NR1H3: variants seen among roughly 807,000 people sequenced by gnomAD.
The protein encoded by NR1H3 is nuclear receptor subfamily 1 group H member 3.
NR1H3 carries 19 observed loss-of-function variants against 48.1 expected under a neutral mutation model. The observed-to-expected ratio is 0.40, with a 90% CI of 0.28 to 0.58. The LOEUF (loss-of-function observed/expected upper bound fraction) is 0.58, where lower values mean the gene tolerates loss of function less well. Among genes scored for constraint, NR1H3 ranks in the 20% least tolerant of loss-of-function variants. The pLI, the probability that NR1H3 is intolerant of heterozygous loss-of-function variation, is 0.50. For missense variants in NR1H3, 486 were observed against 595.9 expected (o/e 0.82, Z 1.92); for synonymous variants, 232 against 227.3 (o/e 1.02, Z -0.19).
At chr11:47,250,925 C>T (rs1228152750) in intron 1 of NR1H3, among the ~76,000 whole-genome samples, 1 of 152,170 alleles carries the variant, frequency 6.6e-6, no homozygotes, top group African/African-American at 2.4e-5. Flanking sequence ...TTTGGGAGGC[C>T]GAGGCGGGTG....
intron 1 of NR1H3, among the ~76,000 whole-genome samples, chr11:47,249,937 C>A (rs1022918545): frequency 6.3e-4 from 91 of 144,574 alleles, no homozygotes; most frequent in African/African-American, 2.1e-3. Context: ...ACTAAAAATA[C>A]AAAAAAAAAA....
chr11:47,259,050 G>A, intron 1 of NR1H3, 130 bp from the exon 2 acceptor site: 1 of 1,495,952 alleles, frequency 6.7e-7, no homozygotes. Context: ...CTTAGTACAG[G>A]CTAATATATG....
rs762962632 is a variant in NR1H3, at chr11:47,260,637, G to A, written c.461G>A (p.Arg154Gln). The A allele has an allele frequency of 1.2e-5, 19 of 1,609,324 alleles. No individual in the cohort carries two copies. The highest frequency in any genetic ancestry group is 2.2e-5 in the East Asian group (1 of 44,846). The stretch of plus-strand genomic sequence containing the variant: ...ATGCGTCGCAAGTGCCAGGAGTGTC[G>A]GCTTCGCAAATGCCGTCAGGCTGGC... Reference protein sequence around the residue: ...TYMRRKCQECRLRKCRQAGMR... With the variant: ...TYMRRKCQECQLRKCRQAGMR... Residue 154 changes from arginine to glutamine, a missense_variant, in exon 4 of 10, where the codon CGG (arginine) becomes CAG (glutamine). Transcript: ENST00000441012.
intron 1 of NR1H3, among the ~76,000 whole-genome samples, chr11:47,249,874 C>T (rs1954480851): frequency 6.6e-6 from 1 of 151,922 alleles, no homozygotes; most frequent in African/African-American, 2.4e-5. Flanking sequence ...GGCAGATCAC[C>T]TGAGGTCAGG....
intron 2 of NR1H3, chr11:47,259,554 C>T (rs1037840531): frequency 1.6e-5 from 24 of 1,473,712 alleles, no homozygotes; most frequent in Non-Finnish European, 2.2e-5. Flanking sequence ...AATGCATACA[C>T]TCCAGCCCCC....
rs1258838347 is a variant in NR1H3, at chr11:47,259,967, T to C, written c.220T>C (p.Ser74Pro). The part of the protein sequence containing the change: ...TALLTRAEPP[S>P]EPTEIRPQKR... ...CCTGCTCACCAGGGCAGAGCCCCCT[T>C]CAGAACCCACAGGTGAGGAGCTTCT... is the stretch of plus-strand genomic sequence containing the variant. Residue 74 changes from serine to proline, a missense_variant, in exon 3 of 10, where the codon TCA (serine) becomes CCA (proline). By Grantham distance (74) the Ser-to-Pro change is moderately conservative. Coordinates refer to ENST00000441012, the MANE Select transcript of NR1H3 (RefSeq NM_005693.4). The C allele has an allele frequency of 6.5e-7, 1 of 1,537,378 alleles. No individual in the cohort carries two copies. Among genetic ancestry groups the C allele is most frequent in the East Asian group, 2.3e-5 (1 of 43,788 alleles).
upstream of NR1H3, chr11:47,248,389 TG>T (rs771756838): frequency 5.4e-6 from 8 of 1,488,466 alleles, no homozygotes; most frequent in Admixed American, 2.0e-5. Flanking sequence ...AAGCAACGTA[TG>T]TGGTGGGGAC....
rs779302187 is a variant in NR1H3 at position 47,261,421 on chromosome 11, G to T, written c.680G>T (p.Arg227Leu). ...GCTGCCCAGCAACAGTGTAACCGGC[G>T]CTCCTTTTCTGACCGGCTTCGAGTC... ...LVAAQQQCNRRSFSDRLRVTP... is the reference protein window; with the variant it reads ...LVAAQQQCNRLSFSDRLRVTP... Residue 227 changes from arginine to leucine, a missense_variant, in exon 5 of 10, where the codon CGC (arginine) becomes CTC (leucine). Physicochemically the swap from Arg to Leu is moderately radical, Grantham distance 102 (BLOSUM62 -2). Coordinates refer to ENST00000441012, the MANE Select transcript of NR1H3 (RefSeq NM_005693.4). The T allele has an allele frequency of 6.2e-7, 1 of 1,614,104 alleles. No individual in the cohort carries two copies. Among genetic ancestry groups the T allele is most frequent in the South Asian group, 1.1e-5 (1 of 91,082 alleles).
At chr11:47,256,033 TTATC>T (rs1955140954), upstream of NR1H3, among the ~76,000 whole-genome samples, 1 of 151,824 alleles carries the variant, frequency 6.6e-6, no homozygotes, top group Admixed American at 6.6e-5. Context: ...CCTATTTTAT[TTATC>T]TTTCTTTCTT....
chr11:47,266,547 T>C (rs534004140), intron 7 of NR1H3, among the ~76,000 whole-genome samples: 1 of 152,244 alleles, frequency 6.6e-6, no homozygotes, highest in East Asian at 1.9e-4. Context: ...TTGCCCAGGC[T>C]GGTCTCAAAC....
chr11:47,248,550 C>G (rs1317172724), upstream of NR1H3: 8 of 1,551,720 alleles, frequency 5.2e-6, no homozygotes, highest in Non-Finnish European at 7.0e-6. Flanking sequence ...AATCCAGCCT[C>G]CCAACTACCC....
In NR1H3 at chr11:47,260,461, C is replaced by T. The variant is rs577011989; in HGVS notation, c.285C>T (p.Asn95=). ...KKGPAPKMLG[N]ELCSVCGDKA... ...GGCCAGCCCCCAAAATGCTGGGGAA[C>T]GAGCTATGCAGCGTGTGTGGGGACA... is the stretch of plus-strand genomic sequence containing the variant. The change falls in exon 4 of 10, where the codon AAC becomes AAT. Residue 95 remains asparagine, a synonymous_variant. Transcript: ENST00000441012. The T allele has an allele frequency of 1.9e-4, 299 of 1,614,090 alleles. 7 individuals are homozygous for T. In the South Asian group the frequency reaches 3.1e-3, roughly 16 times the overall value.
chr11:47,255,899 C>T (rs1379664769), upstream of NR1H3, among the ~76,000 whole-genome samples: 1 of 151,402 alleles, frequency 6.6e-6, no homozygotes, highest in Non-Finnish European at 1.5e-5. Context: ...GAACTCCTGA[C>T]CTCAAGTGAT....
chr11:47,261,491 C>T (rs1955860843), intron 5 of NR1H3, 42 bp downstream of exon 5: 1 of 1,610,424 alleles, frequency 6.2e-7, no homozygotes, highest in African/African-American at 1.3e-5. Context: ...GCCCAGATCA[C>T]CAGTGGGCTT....
chr11:47,263,329 A>G (rs543683943), intron 7 of NR1H3, among the ~76,000 whole-genome samples: 1 of 150,582 alleles, frequency 6.6e-6, no homozygotes, highest in Non-Finnish European at 1.5e-5. Flanking sequence ...CAGTGGCATG[A>G]ACGTGGCTCA....
In NR1H3 at chr11:47,257,996, G is replaced by T; in HGVS notation, c.-171G>T. ...AATTGCTACTTCTCTGGGGCTCCAG[G>T]TCCTGCTTGTGCTCAGCTCCAGCTC... On this transcript the variant is annotated 5_prime_UTR_variant, in exon 1 of 10. Coordinates refer to ENST00000441012, the MANE Select transcript of NR1H3 (RefSeq NM_005693.4). 2 of 985,850 alleles carry T rather than the reference G, an allele frequency of 2.0e-6. No individual in the cohort carries two copies. Among genetic ancestry groups the T allele is most frequent in the South Asian group, 9.4e-5 (2 of 21,278 alleles). 61.1% of individuals were successfully genotyped at this position (985,850 alleles called of 1,614,324 possible).
Position 47,260,462 on chromosome 11 carries a change from G to A in NR1H3, c.286G>A (p.Glu96Lys). The A allele has an allele frequency of 3.1e-6, 5 of 1,614,214 alleles. No individual in the cohort carries two copies. The highest frequency in any genetic ancestry group is 1.1e-5 in the South Asian group (1 of 91,088). Reference sequence around the variant, plus strand: ...GCCAGCCCCCAAAATGCTGGGGAACGAGCTATGCAGCGTGTGTGGGGACAA... The same window carrying A: ...GCCAGCCCCCAAAATGCTGGGGAACAAGCTATGCAGCGTGTGTGGGGACAA... ...KGPAPKMLGNELCSVCGDKAS... is the reference protein window; with the variant it reads ...KGPAPKMLGNKLCSVCGDKAS... The change falls in exon 4 of 10, where the codon GAG becomes AAG. Residue 96 changes from glutamate (E) to lysine (K), a missense_variant. Physicochemically the swap from Glu to Lys is moderately conservative, Grantham distance 56. Transcript: ENST00000441012.
upstream of NR1H3, among the ~76,000 whole-genome samples, chr11:47,254,496 T>G (rs1954915109): frequency 1.3e-5 from 2 of 151,890 alleles, no homozygotes; most frequent in Admixed American, 6.6e-5. Context: ...TGGGGCCTTG[T>G]GAAAATCAGA....
upstream of NR1H3, chr11:47,248,322 G>A: frequency 9.4e-7 from 1 of 1,058,712 alleles, no homozygotes; most frequent in Non-Finnish European, 1.3e-6. Flanking sequence ...GCTAAGCAAT[G>A]CTACTGGAGA....
Sources: allele counts gnomAD v4.1 joint callset (sites outside exome capture counted in the v4.1 genomes callset), GRCh38; gene constraint gnomAD v4.1.1; transcripts MANE v1.5; gene names NCBI Gene and HGNC (gene_info 2026-07-23, HGNC 2026-07-21).